Variants in PPP2R5E observed in about 807,000 individuals in gnomAD.
PPP2R5E encodes the protein protein phosphatase 2 regulatory subunit B'epsilon.
In PPP2R5E, 4 loss-of-function variants were observed where a neutral mutation model predicts 65.3. That is an observed-to-expected ratio of 0.06 (90% CI 0.03 to 0.14). The LOEUF is 0.14. Among genes scored for constraint, PPP2R5E ranks in the 10% least tolerant of loss-of-function variants. The probability of loss-of-function intolerance (pLI) is 1.00; values close to 1 mark genes in which losing one functional copy is unlikely to be tolerated. For synonymous variants in PPP2R5E, 183 were observed against 187.4 expected, an observed-to-expected ratio of 0.98 and a Z score of 0.19; for missense variants, 274 against 556.1, an observed-to-expected ratio of 0.49 and a Z score of 5.10.
chr14:63,483,573 G>A (rs971672961), intron 2 of PPP2R5E, among the ~76,000 whole-genome samples: 3 of 152,088 alleles, frequency 2.0e-5, no homozygotes, highest in African/African-American at 7.2e-5. Flanking sequence ...GGAGGAAAGA[G>A]GGCGCCACTA....
intron 2 of PPP2R5E, among the ~76,000 whole-genome samples, chr14:63,514,854 C>T (rs113261614): frequency 6.6e-6 from 1 of 152,196 alleles, no homozygotes; most frequent in African/African-American, 2.4e-5. Flanking sequence ...AAAATGAATC[C>T]TGCAAGGTAG....
intron 7 of PPP2R5E, among the ~76,000 whole-genome samples, chr14:63,394,658 T>C (rs1885221209): frequency 6.6e-6 from 1 of 152,202 alleles, no homozygotes; most frequent in Non-Finnish European, 1.5e-5. Flanking sequence ...GGGAAATCAC[T>C]GAGAGAAAGC....
At chr14:63,517,136 T>C (rs541295109) in intron 2 of PPP2R5E, among the ~76,000 whole-genome samples, 14 of 152,260 alleles carry the variant, frequency 9.2e-5, no homozygotes, top group East Asian at 3.9e-4. Context: ...TGAGTATCAA[T>C]TGTTAACTAT....
chr14:63,452,620 A>G (rs1458148741), intron 3 of PPP2R5E: 1 of 152,216 alleles, frequency 6.6e-6, no homozygotes, highest in East Asian at 1.9e-4. Context: ...ATTAACAACA[A>G]ATCCAATATA....
chr14:63,529,345 G>A (rs959074479), intron 2 of PPP2R5E, among the ~76,000 whole-genome samples: 3 of 148,148 alleles, frequency 2.0e-5, no homozygotes, highest in Non-Finnish European at 3.0e-5. Flanking sequence ...GTGAGCCACC[G>A]CACCCAGCCC....
At chr14:63,471,208 A>G (rs1260865295) in intron 2 of PPP2R5E, among the ~76,000 whole-genome samples, 2 of 152,244 alleles carry the variant, frequency 1.3e-5, no homozygotes, top group Non-Finnish European at 2.9e-5. Context: ...TCTTATGTAT[A>G]GATTGTTCAT....
At chr14:63,528,377 A>G (rs1182902841) in intron 2 of PPP2R5E, among the ~76,000 whole-genome samples, 1 of 152,244 alleles carries the variant, frequency 6.6e-6, no homozygotes, top group African/African-American at 2.4e-5. Context: ...TCAGTCCTCA[A>G]ATACGCAGAA....
chr14:63,448,841 G>A (rs369100679), intron 3 of PPP2R5E, among the ~76,000 whole-genome samples: 15 of 148,530 alleles, frequency 1.0e-4, no homozygotes, highest in South Asian at 2.1e-4. Context: ...GCAATAAAAC[G>A]AGGTGTGCAT....
chr14:63,430,397 A>ATG (rs1566696640), intron 3 of PPP2R5E, among the ~76,000 whole-genome samples: 1 of 137,126 alleles, frequency 7.3e-6, no homozygotes, highest in African/African-American at 3.2e-5. Context: ...ATACATACAT[A>ATG]CATGCATACA....
chr14:63,417,415 C>T (rs921204495), intron 4 of PPP2R5E, among the ~76,000 whole-genome samples: 7 of 150,904 alleles, frequency 4.6e-5, no homozygotes, highest in African/African-American at 9.8e-5. Flanking sequence ...ACAAAATATC[C>T]GCCAAATACC....
rs1459381225 is a variant in PPP2R5E at position 63,393,761 on chromosome 14, A to C, written c.849+59T>G. On this transcript the variant is annotated intron_variant, in intron 8 of 13. Transcript: ENST00000337537. ...AATGAAGGTTATATCAATATCAAAA[A>C]AACGAGTTTGCAAACTTTTTATTTT... is the stretch of plus-strand genomic sequence containing the variant. The C allele has an allele frequency of 6.5e-6, 8 of 1,230,466 alleles. No homozygotes were observed. The African/African-American group carries it at 1.2e-4, about 19-fold the overall frequency. The allele number at this position is 1,230,466 out of a possible 1,614,324, so 76.2% of individuals were successfully genotyped here.
Position 63,529,174 on chromosome 14 carries a change from T to G in PPP2R5E, c.157+10355A>C, listed in dbSNP as rs111630607. Among the ~76,000 whole-genome samples the G allele has an allele frequency of 4.9e-3, 749 of 152,236 alleles. 4 individuals carry two copies. Among genetic ancestry groups the G allele is most frequent in the Non-Finnish European group, 6.9e-3 (471 of 68,004 alleles). ...CAGGGGTCTCACTATGTTGCCCAGG[T>G]TGATCTTGAACACCTGGCCTCAGGA... On this transcript the variant is annotated intron_variant, in intron 2 of 13. Coordinates refer to ENST00000337537, the MANE Select transcript of PPP2R5E (RefSeq NM_006246.5).
intron 2 of PPP2R5E, among the ~76,000 whole-genome samples, chr14:63,462,659 G>A (rs561924314): frequency 2.7e-4 from 41 of 151,996 alleles, no homozygotes; most frequent in African/African-American, 9.4e-4. Flanking sequence ...ATTTCCCCAT[G>A]TTTTCATTTT....
rs1036815393 is a variant in PPP2R5E, at chr14:63,374,706, T to A, written c.*1303A>T. 4.7e-5 allele frequency: 7 copies of A among 147,946 alleles called. 1 individual carries two copies. The highest frequency in any genetic ancestry group is 1.8e-4 in the African/African-American group (7 of 39,518). The allele number at this position is 147,946 out of a possible 1,614,324, so 9.2% of individuals were successfully genotyped here. The stretch of plus-strand genomic sequence containing the variant: ...TAGATTTTGTTTTTTTTGTTTTTTT[T>A]TCTTAAACAATTTGGTCACGATGCA... On this transcript the variant is annotated 3_prime_UTR_variant, in exon 14 of 14. Coordinates refer to ENST00000337537, the MANE Select transcript of PPP2R5E (RefSeq NM_006246.5).
intron 2 of PPP2R5E, among the ~76,000 whole-genome samples, chr14:63,489,271 TC>T (rs1264293648): frequency 6.6e-6 from 1 of 152,030 alleles, no homozygotes; most frequent in Non-Finnish European, 1.5e-5. Context: ...AACTGCTAAT[TC>T]ACTTTTCAAG....
intron 2 of PPP2R5E, among the ~76,000 whole-genome samples, chr14:63,481,977 C>T (rs1890725850): frequency 6.6e-6 from 1 of 152,102 alleles, no homozygotes; most frequent in African/African-American, 2.4e-5. Context: ...TGCTGTCCAC[C>T]AGTACCTTTA....
chr14:63,417,507 G>A (rs74060080), intron 4 of PPP2R5E, among the ~76,000 whole-genome samples: 3,347 of 147,428 alleles, frequency 0.023, 129 homozygotes, highest in African/African-American at 0.079. Flanking sequence ...AAAAAAAAAG[G>A]CTAGTTTGGG....
chr14:63,522,906 G>T (rs1256992794), intron 2 of PPP2R5E, among the ~76,000 whole-genome samples: 1 of 147,906 alleles, frequency 6.8e-6, no homozygotes, highest in Non-Finnish European at 1.5e-5. Context: ...CCGGGAGGGA[G>T]GTCGGGGGGT....
At position 63,384,784 on chromosome 14, in the gene PPP2R5E, C is replaced by T. The variant is rs1301305791; in HGVS notation, c.1075-213G>A. On this transcript the variant is annotated intron_variant, in intron 11 of 13. Coordinates refer to ENST00000337537, the MANE Select transcript of PPP2R5E (RefSeq NM_006246.5). ...GATCTCGGCTCTCTGCAACCTCCGC[C>T]TCTCGGGTTCAAGCGATTCTCCTGC... Among the ~76,000 whole-genome samples the T allele has an allele frequency of 2.0e-5, 3 of 152,190 alleles. No homozygotes were observed. In the East Asian group the frequency reaches 5.8e-4, roughly 30 times the overall value.
Sources: gnomAD v4.1 joint callset for allele counts (sites outside exome capture counted in the v4.1 genomes callset) on GRCh38, gnomAD v4.1.1 for gene constraint, MANE v1.5 for transcripts, NCBI Gene and HGNC (gene_info 2026-07-23, HGNC 2026-07-21) for gene names.